Variants in FPR3 observed in about 807,000 individuals in gnomAD.
FPR3 encodes formyl peptide receptor 3, also known as N-formyl peptide receptor 3.
For synonymous variants in FPR3, 135 were observed against 163.6 expected, an observed-to-expected ratio of 0.83 and a Z score of 1.34; for missense variants, 346 against 443.2, an observed-to-expected ratio of 0.78 and a Z score of 1.97.
intron 1 of FPR3, among the ~76,000 whole-genome samples, chr19:51,810,368 C>A (rs7258394): frequency 6.6e-6 from 1 of 152,142 alleles, no homozygotes; most frequent in Non-Finnish European, 1.5e-5. Flanking sequence ...AGGAATCTGA[C>A]GCTTCACTGC....
intron 1 of FPR3, among the ~76,000 whole-genome samples, chr19:51,809,958 T>A (rs184761261): frequency 1.3e-5 from 2 of 152,184 alleles, no homozygotes; most frequent in African/African-American, 4.8e-5. Context: ...GCCATTCTGA[T>A]GAAATTTTGA....
intron 1 of FPR3, among the ~76,000 whole-genome samples, chr19:51,802,587 GA>G (rs1008787576): frequency 1.6e-4 from 25 of 152,224 alleles, no homozygotes; most frequent in African/African-American, 4.8e-4. Context: ...AGTGGAAGTG[GA>G]AAAAAACTAC....
rs146833429 is a variant in FPR3, at chr19:51,814,789, G to A, written c.-10-8950G>A. The stretch of plus-strand genomic sequence containing the variant: ...ATTACAGGCATGAGCCACTGCACTC[G>A]GCCTAAAAACCACTTTTTTTGTTTG... On this transcript the variant is annotated intron_variant, in intron 1 of 1. Coordinates refer to ENST00000339223, the MANE Select transcript of FPR3 (RefSeq NM_002030.5). 6.1e-5 allele frequency among the ~76,000 whole-genome samples: 9 copies of A among 147,988 alleles called. No homozygotes were observed. The East Asian group carries it at 6.2e-4, about 10-fold the overall frequency.
chr19:51,813,871 A>G (rs1449543762), intron 1 of FPR3, among the ~76,000 whole-genome samples: 1 of 152,146 alleles, frequency 6.6e-6, no homozygotes, highest in Non-Finnish European at 1.5e-5. Context: ...CAGGCATGTG[A>G]ATGAAGCCAG....
chr19:51,818,816 G>A (rs1419226263), intron 1 of FPR3, among the ~76,000 whole-genome samples: 1 of 152,176 alleles, frequency 6.6e-6, no homozygotes, highest in Non-Finnish European at 1.5e-5. Context: ...CAGGGTGCTT[G>A]AGAAGTGTGA....
At chr19:51,808,495 G>C (rs1312411071) in intron 1 of FPR3, among the ~76,000 whole-genome samples, 1 of 152,192 alleles carries the variant, frequency 6.6e-6, no homozygotes, top group Non-Finnish European at 1.5e-5. Context: ...ATATTCCGAG[G>C]CTTCTTTAAT....
At chr19:51,806,201 C>T (rs2084057570) in intron 1 of FPR3, among the ~76,000 whole-genome samples, 1 of 152,170 alleles carries the variant, frequency 6.6e-6, no homozygotes, top group African/African-American at 2.4e-5. Context: ...ATGGCTCGTA[C>T]CGGAGGGACT....
chr19:51,822,762 G>T (rs2084199848), intron 1 of FPR3, among the ~76,000 whole-genome samples: 1 of 152,200 alleles, frequency 6.6e-6, no homozygotes, highest in Non-Finnish European at 1.5e-5. Context: ...TACAACGGAT[G>T]CTAAGTAGGG....
rs2084215546 is a variant in FPR3, at chr19:51,824,417, C to T, written c.669C>T (p.Ile223=). 5.0e-6 allele frequency: 8 copies of T among 1,614,100 alleles called. No individual in the cohort carries two copies. The highest frequency in any genetic ancestry group is 1.3e-5 in the African/African-American group (1 of 75,042). ...PMSIITVCYG[I]IAAKIHRNHM... is the part of the protein sequence containing the mutation. ...CCATCATCACAGTCTGCTATGGGATCATCGCTGCCAAAATTCACAGAAACC... is the reference window on the plus strand; with the variant it reads ...CCATCATCACAGTCTGCTATGGGATTATCGCTGCCAAAATTCACAGAAACC... Residue 223 remains isoleucine, a synonymous_variant, in exon 2 of 2, where the codon ATC becomes ATT. Coordinates refer to ENST00000339223, the MANE Select transcript of FPR3 (RefSeq NM_002030.5). The surrounding 1 kb of genome is among the most constrained non-coding windows in gnomAD (Gnocchi z 4.7).
rs914581214 is a variant in FPR3, at chr19:51,825,203, G to C, written c.*393G>C. The C allele has an allele frequency of 3.6e-5, 7 of 191,958 alleles. No individual in the cohort carries two copies. Among genetic ancestry groups the C allele is most frequent in the African/African-American group, 1.7e-4 (7 of 42,028 alleles). The allele number at this position is 191,958 out of a possible 1,614,324, so 11.9% of individuals were successfully genotyped here. On this transcript the variant is annotated 3_prime_UTR_variant, in exon 2 of 2. Transcript: ENST00000339223. The stretch of plus-strand genomic sequence containing the variant: ...TGGAACTCAGAGAAACATTTATTTC[G>C]GCTTGCTGGTTTATTATAAAAGCAA...
chr19:51,815,274 A>T (rs1332262929), intron 1 of FPR3, among the ~76,000 whole-genome samples: 2 of 151,938 alleles, frequency 1.3e-5, no homozygotes, highest in African/African-American at 4.8e-5. Flanking sequence ...TCTATAAAAA[A>T]ATGTTGGCTG....
intron 1 of FPR3, among the ~76,000 whole-genome samples, chr19:51,821,794 C>A (rs1292204909): frequency 6.6e-6 from 1 of 151,348 alleles, no homozygotes; most frequent in Non-Finnish European, 1.5e-5. Flanking sequence ...AAAAAACCTA[C>A]AAAAACCCCA....
intron 1 of FPR3, among the ~76,000 whole-genome samples, chr19:51,797,662 A>C (rs1299545798): frequency 6.6e-6 from 1 of 152,080 alleles, no homozygotes; most frequent in Non-Finnish European, 1.5e-5. Context: ...CTATGAGAGG[A>C]GTTGTGAGGG....
At chr19:51,814,662 T>G (rs575794511) in intron 1 of FPR3, among the ~76,000 whole-genome samples, 131 of 151,936 alleles carry the variant, frequency 8.6e-4, no homozygotes, top group African/African-American at 3.0e-3. Flanking sequence ...CTGGGCTAAT[T>G]TTTGTATTTT....
At chr19:51,799,883 G>A (rs2084018951) in intron 1 of FPR3, among the ~76,000 whole-genome samples, 1 of 152,246 alleles carries the variant, frequency 6.6e-6, no homozygotes, top group South Asian at 2.1e-4. Context: ...TTGGCTCTAA[G>A]TAGCAAAGTA....
At chr19:51,823,365 G>C (rs980495326) in intron 1 of FPR3, among the ~76,000 whole-genome samples, 1 of 152,164 alleles carries the variant, frequency 6.6e-6, no homozygotes, top group Non-Finnish European at 1.5e-5. Flanking sequence ...TGTTTGCATT[G>C]AGTGATGGAG....
intron 1 of FPR3, among the ~76,000 whole-genome samples, chr19:51,797,166 A>G (rs1349993916): frequency 1.3e-5 from 2 of 152,154 alleles, no homozygotes; most frequent in African/African-American, 4.8e-5. Flanking sequence ...ACTGAGAAGG[A>G]CTCACTGGAT....
intron 1 of FPR3, among the ~76,000 whole-genome samples, chr19:51,805,567 A>G (rs553455314): frequency 5.1e-4 from 77 of 152,380 alleles, no homozygotes; most frequent in African/African-American, 1.8e-3. Flanking sequence ...TTAAAATGAC[A>G]GCGCAATTGC....
At chr19:51,798,552 A>G (rs2122409144) in intron 1 of FPR3, among the ~76,000 whole-genome samples, 1 of 152,304 alleles carries the variant, frequency 6.6e-6, no homozygotes, top group East Asian at 1.9e-4. Flanking sequence ...TATCCTGGTA[A>G]TTTTGGAAGA....
Sources: gnomAD v4.1 joint callset for allele counts (sites outside exome capture counted in the v4.1 genomes callset) on GRCh38, gnomAD v4.1.1 for gene constraint, Gnocchi (gnomAD v3.1) non-coding constraint, MANE v1.5 for transcripts, NCBI Gene and HGNC (gene_info 2026-07-23, HGNC 2026-07-21) for gene names.